The following TBCCD1 variants were observed in gnomAD, a reference collection of about 807,000 sequenced individuals.
TBCCD1 encodes the protein TBCC domain containing 1.
A neutral mutation model predicts 53.4 loss-of-function variants in TBCCD1; 26 were observed. The observed-to-expected ratio is 0.49, with a 90% CI of 0.36 to 0.68. The LOEUF (loss-of-function observed/expected upper bound fraction) is 0.68. TBCCD1 is among the 30% of genes least tolerant of loss of function. The pLI is 0.00. For missense variants in TBCCD1, 558 were observed against 669.5 expected, an observed-to-expected ratio of 0.83 and a Z score of 1.84; for synonymous variants, 245 against 241.7, an observed-to-expected ratio of 1.01 and a Z score of -0.13.
chr3:186,552,219 AAAAGTAC>A (rs1215430825), intron 6 of TBCCD1, among the ~76,000 whole-genome samples: 1 of 152,152 alleles, frequency 6.6e-6, no homozygotes, highest in Non-Finnish European at 1.5e-5. Flanking sequence ...AAGAGACCAA[AAAAGTAC>A]AAAGGTTCCA....
At chr3:186,568,541 G>T (rs1714901577), upstream of TBCCD1, among the ~76,000 whole-genome samples, 2 of 152,202 alleles carry the variant, frequency 1.3e-5, no homozygotes, top group African/African-American at 4.8e-5. Context: ...GCTGTGAACA[G>T]AACAATATAG....
Position 186,556,649 on chromosome 3 carries a change from C to G in TBCCD1, c.619G>C (p.Glu207Gln). The change falls in exon 4 of 8, where the codon GAA becomes CAA. Residue 207 changes from glutamate (E) to glutamine (Q), a missense_variant. Coordinates refer to ENST00000338733, the MANE Select transcript of TBCCD1 (RefSeq NM_018138.5). Reference protein sequence around the residue: ...HSTHSSLVSREAVVALSFLIE... With the variant: ...HSTHSSLVSRQAVVALSFLIE... ...AGGAAGCTGAGCGCCACAACAGCTT[C>G]TCGAGACACTAGACTACTATGGGTT... is the stretch of plus-strand genomic sequence containing the variant. 6.2e-7 allele frequency: 1 copy of G among 1,614,118 alleles called. No individual in the cohort carries two copies. Among genetic ancestry groups the G allele is most frequent in the Non-Finnish European group, 8.5e-7 (1 of 1,180,018 alleles).
At position 186,546,119 on chromosome 3, in the gene TBCCD1, T is replaced by C. The variant is rs1401201711; in HGVS notation, c.*858A>G. The C allele has an allele frequency of 2.6e-5, 4 of 152,198 alleles. No individual in the cohort carries two copies. Among genetic ancestry groups the C allele is most frequent in the African/African-American group, 9.7e-5 (4 of 41,450 alleles). 9.4% of individuals were successfully genotyped at this position (152,198 alleles called of 1,614,324 possible). ...TGAAGCAGGAAGTGAAAAATAAAGA[T>C]TTTTTTAAACAATTTCATTAAGTTC... On this transcript the variant is annotated 3_prime_UTR_variant, in exon 8 of 8. Transcript: ENST00000338733.
chr3:186,548,205 C>G (rs1714268342), intron 7 of TBCCD1, among the ~76,000 whole-genome samples: 1 of 152,208 alleles, frequency 6.6e-6, no homozygotes, highest in Non-Finnish European at 1.5e-5. Flanking sequence ...GAATGCAGTA[C>G]TGATACATGG....
At chr3:186,550,585 CAAA>C (rs796629751) in intron 7 of TBCCD1, among the ~76,000 whole-genome samples, 2 of 110,598 alleles carry the variant, frequency 1.8e-5, no homozygotes, top group Non-Finnish European at 1.9e-5. Context: ...GACTCAGTCT[CAAA>C]AAAAAAAAAA....
intron 7 of TBCCD1, 148 bp from the exon 8 acceptor site, chr3:186,547,103 A>G (rs1714235590): frequency 6.6e-6 from 1 of 152,222 alleles, no homozygotes; most frequent in Admixed American, 6.5e-5. Context: ...TTTAAAGTTA[A>G]TAATATTCCT....
chr3:186,554,454 C>G lies in TBCCD1; in HGVS notation c.1344G>C (p.Val448=). The G allele has an allele frequency of 6.2e-7, 1 of 1,614,228 alleles. No homozygotes were observed. The highest frequency in any genetic ancestry group is 8.5e-7 in the Non-Finnish European group (1 of 1,180,042). ...VPNYWDNPMV[V]CRENSDTRVF... is the part of the protein sequence containing the mutation. The stretch of plus-strand genomic sequence containing the variant: ...CTCTTGTGTCGCTGTTCTCTCTGCA[C>G]ACAACCATTGGATTATCCCAATAGT... The change falls in exon 6 of 8, where the codon GTG becomes GTC. Residue 448 remains valine, a synonymous_variant. Coordinates refer to ENST00000338733, the MANE Select transcript of TBCCD1 (RefSeq NM_018138.5).
chr3:186,562,395 A>C (rs2108463121), intron 2 of TBCCD1, among the ~76,000 whole-genome samples: 1 of 152,296 alleles, frequency 6.6e-6, no homozygotes, highest in South Asian at 2.1e-4. Flanking sequence ...ACATGGATGG[A>C]CCTGGAGGAC....
chr3:186,558,306 C>T, intron 3 of TBCCD1, 111 bp downstream of exon 3: 1 of 1,298,526 alleles, frequency 7.7e-7, no homozygotes, highest in Non-Finnish European at 1.1e-6. Context: ...CAAAACAAGC[C>T]ATCAAATCAC....
At chr3:186,550,098 G>A (rs559531959) in intron 7 of TBCCD1, among the ~76,000 whole-genome samples, 5 of 151,740 alleles carry the variant, frequency 3.3e-5, no homozygotes, top group Admixed American at 2.0e-4. Flanking sequence ...ACGGTGGTGC[G>A]TGCCTGTAAT....
chr3:186,565,894 C>T (rs1714814310), intron 1 of TBCCD1, among the ~76,000 whole-genome samples: 1 of 152,164 alleles, frequency 6.6e-6, no homozygotes, highest in Admixed American at 6.5e-5. Context: ...GACTCTGGTA[C>T]CTACTTCACT....
rs187338883 is a variant in TBCCD1 at position 186,563,907 on chromosome 3, A to C, written c.336+87T>G. On this transcript the variant is annotated intron_variant, in intron 2 of 7. Coordinates refer to ENST00000338733, the MANE Select transcript of TBCCD1 (RefSeq NM_018138.5). Reference sequence around the variant, plus strand: ...AGTGAAACTCTGTTTCTATCTAAAAATTGTAATAAGCAAAAACATTTTTTA... The same window carrying C: ...AGTGAAACTCTGTTTCTATCTAAAACTTGTAATAAGCAAAAACATTTTTTA... 8.4e-6 allele frequency: 12 copies of C among 1,436,614 alleles called. No individual in the cohort carries two copies. The East Asian group carries it at 2.8e-4, about 34-fold the overall frequency. The allele number at this position is 1,436,614 out of a possible 1,614,324, so 89.0% of individuals were successfully genotyped here.
At chr3:186,564,519 G>T in intron 1 of TBCCD1, 147 bp from the exon 2 acceptor site, 1 of 543,528 alleles carries the variant, frequency 1.8e-6, no homozygotes, top group Non-Finnish European at 3.1e-6. Flanking sequence ...ACCAAGAGCA[G>T]AACAGTTTTT....
At chr3:186,553,226 A>G (rs1661696353) in intron 6 of TBCCD1, 1 of 152,238 alleles carries the variant, frequency 6.6e-6, no homozygotes, top group Non-Finnish European at 1.5e-5. Context: ...ATGTATATGC[A>G]GGAGCTTTTC....
In TBCCD1 at chr3:186,567,312, G is replaced by T. The variant is rs1338598101; in HGVS notation, c.-89C>A. ...CCGCCGCACTTCTCCGCGCGCCGCC[G>T]CGCCCGGCGTCCGCTCGCTGGGCCC... is the stretch of plus-strand genomic sequence containing the variant. On this transcript the variant is annotated 5_prime_UTR_variant, in exon 1 of 8. Transcript: ENST00000338733. 1 of 152,882 alleles carries T rather than the reference G, an allele frequency of 6.5e-6. No individual in the cohort carries two copies. Among genetic ancestry groups the T allele is most frequent in the African/African-American group, 2.4e-5 (1 of 41,458 alleles). The allele number at this position is 152,882 out of a possible 1,614,324, so 9.5% of individuals were successfully genotyped here.
upstream of TBCCD1, chr3:186,570,507 C>A: frequency 2.0e-6 from 1 of 495,630 alleles, no homozygotes; most frequent in East Asian, 3.4e-5. Flanking sequence ...GTAGCTCAGG[C>A]AGAGCGGGTT....
At chr3:186,569,971 G>T, upstream of TBCCD1, 1 of 575,646 alleles carries the variant, frequency 1.7e-6, no homozygotes, top group South Asian at 2.1e-5. Context: ...CTCGTTGCCT[G>T]CTTACTATAC....
At chr3:186,564,901 C>T (rs59267846) in intron 1 of TBCCD1, among the ~76,000 whole-genome samples, 21,475 of 152,070 alleles carry the variant, frequency 0.14, 1,814 homozygotes, top group African/African-American at 0.22. Flanking sequence ...GGAGAAGTTA[C>T]AGCATCTTTA....
At chr3:186,568,920 AAAG>A (rs1168793768), upstream of TBCCD1, among the ~76,000 whole-genome samples, 4 of 149,548 alleles carry the variant, frequency 2.7e-5, no homozygotes, top group East Asian at 1.9e-4. Flanking sequence ...AAAAAGAAAT[AAAG>A]AAAAGAAAAC....
Sources: gnomAD v4.1 joint callset for allele counts (sites outside exome capture counted in the v4.1 genomes callset) on GRCh38, gnomAD v4.1.1 for gene constraint, MANE v1.5 for transcripts, NCBI Gene and HGNC (gene_info 2026-07-23, HGNC 2026-07-21) for gene names.